Variants in DTNBP1 observed in about 807,000 individuals in gnomAD.
DTNBP1 encodes dystrobrevin binding protein 1.
A neutral mutation model predicts 42.8 loss-of-function variants in DTNBP1; 35 were observed. The observed-to-expected ratio is 0.82, with a 90% CI of 0.63 to 1.09. The LOEUF is 1.09. DTNBP1 is among the 50% of genes least tolerant of loss of function. The probability of loss-of-function intolerance (pLI) is 0.00; values close to 1 mark genes in which losing one functional copy is unlikely to be tolerated. For synonymous variants in DTNBP1, 171 were observed against 162.2 expected (o/e 1.05, Z -0.41); for missense variants, 457 against 424.2 (o/e 1.08, Z -0.68).
intron 3 of DTNBP1, among the ~76,000 whole-genome samples, chr6:15,648,307 T>C (rs927847073): frequency 8.5e-5 from 13 of 152,052 alleles, no homozygotes; most frequent in Non-Finnish European, 1.3e-4. Flanking sequence ...CTGAAAGCTT[T>C]TCCTGTAAGA....
chr6:15,633,690 G>A (rs1759825718), intron 4 of DTNBP1, among the ~76,000 whole-genome samples: 1 of 152,080 alleles, frequency 6.6e-6, no homozygotes, highest in African/African-American at 2.4e-5. Context: ...GAAAGGAAGA[G>A]TCAATAGATG....
rs141911500 is a variant in DTNBP1 at position 15,634,621 on chromosome 6, T to G, written c.222+3123A>C. Among the ~76,000 whole-genome samples, 599 of 152,226 alleles carry G rather than the reference T, an allele frequency of 3.9e-3. 3 individuals are homozygous for G. The highest frequency in any genetic ancestry group is 0.013 in the African/African-American group (556 of 41,546). On this transcript the variant is annotated intron_variant, in intron 4 of 9. Transcript: ENST00000344537. ...GTGTGAGCCACCACACCCAACCACT[T>G]TCTATTTTTTTTGTATGTGGTTACC...
At chr6:15,611,812 G>A (rs750728088) in intron 6 of DTNBP1, among the ~76,000 whole-genome samples, 4 of 152,176 alleles carry the variant, frequency 2.6e-5, no homozygotes, top group Non-Finnish European at 5.9e-5. Context: ...CTGCAATCTC[G>A]TGATCCAACT....
At chr6:15,548,462 C>T (rs1007800618) in intron 7 of DTNBP1, 2 of 151,988 alleles carry the variant, frequency 1.3e-5, no homozygotes, top group Middle Eastern at 6.8e-3. Context: ...CACACACACA[C>T]ACACACACAC....
intron 7 of DTNBP1, among the ~76,000 whole-genome samples, chr6:15,576,266 G>A (rs191389148): frequency 1.8e-3 from 280 of 151,842 alleles, no homozygotes; most frequent in African/African-American, 6.5e-3. Context: ...TTACAGGCAC[G>A]TACCACCACG....
intron 1 of DTNBP1, among the ~76,000 whole-genome samples, chr6:15,655,153 G>C (rs1410144271): frequency 6.6e-6 from 1 of 152,018 alleles, no homozygotes; most frequent in Non-Finnish European, 1.5e-5. Context: ...ACAGGGTCTT[G>C]CTGTGTCACC....
Position 15,595,237 on chromosome 6 carries a change from C to A in DTNBP1, c.489-2156G>T, listed in dbSNP as rs777871532. The A allele has an allele frequency of 4.1e-5, 16 of 388,140 alleles. No homozygotes were observed. The East Asian group carries it at 1.2e-3, about 28-fold the overall frequency. The allele number at this position is 388,140 out of a possible 1,614,324, so 24.0% of individuals were successfully genotyped here. A position where few individuals can be genotyped will look rare whatever the true frequency, so the allele number is the denominator to read the frequency against. ...AAATAATTGGTTTAAAGAAAAAAATCAGTATTATGCAACTTTTTTTTTTTT... is the reference window on the plus strand; with the variant it reads ...AAATAATTGGTTTAAAGAAAAAAATAAGTATTATGCAACTTTTTTTTTTTT... On this transcript the variant is annotated intron_variant, in intron 6 of 9. Coordinates refer to ENST00000344537, the MANE Select transcript of DTNBP1 (RefSeq NM_032122.5).
chr6:15,529,930 A>T (rs1207144460), intron 8 of DTNBP1, among the ~76,000 whole-genome samples: 1 of 152,244 alleles, frequency 6.6e-6, no homozygotes, highest in Admixed American at 6.5e-5. Context: ...CCCTCCCGGC[A>T]CCGCCTTCAG....
intron 3 of DTNBP1, among the ~76,000 whole-genome samples, chr6:15,644,836 A>T (rs1193911791): frequency 2.0e-5 from 3 of 152,120 alleles, no homozygotes; most frequent in African/African-American, 7.2e-5. Context: ...ACACACAAAG[A>T]TCTCAAATTA....
At chr6:15,533,009 T>C (rs1281468148) in intron 8 of DTNBP1, among the ~76,000 whole-genome samples, 1 of 152,068 alleles carries the variant, frequency 6.6e-6, no homozygotes, top group African/African-American at 2.4e-5. Flanking sequence ...GTATCTGTAA[T>C]CTTTAGAGGT....
chr6:15,565,801 G>T (rs1775045008), intron 7 of DTNBP1, among the ~76,000 whole-genome samples: 1 of 152,084 alleles, frequency 6.6e-6, no homozygotes, highest in South Asian at 2.1e-4. Flanking sequence ...ATCACTGAAT[G>T]GTACACTTAG....
intron 7 of DTNBP1, among the ~76,000 whole-genome samples, chr6:15,541,374 G>C (rs1015318976): frequency 3.9e-5 from 6 of 152,106 alleles, no homozygotes; most frequent in African/African-American, 1.4e-4. Context: ...AACAGCATCT[G>C]AATTTTAGAA....
intron 7 of DTNBP1, among the ~76,000 whole-genome samples, chr6:15,570,381 G>A (rs1269950080): frequency 2.0e-5 from 3 of 152,150 alleles, no homozygotes; most frequent in Admixed American, 6.5e-5. Context: ...CCAAGTGGCC[G>A]TTTCCTGACT....
chr6:15,662,666 T>C, intron 1 of DTNBP1, 148 bp downstream of exon 1: 1 of 1,193,214 alleles, frequency 8.4e-7, no homozygotes, highest in South Asian at 1.3e-5. Context: ...CGCCGGGAAG[T>C]TCGTTACTTT....
At chr6:15,566,430 AG>A (rs1199689657) in intron 7 of DTNBP1, among the ~76,000 whole-genome samples, 2 of 151,926 alleles carry the variant, frequency 1.3e-5, no homozygotes, top group Non-Finnish European at 2.9e-5. Context: ...CCATGGGAAG[AG>A]GGGGTCAGGC....
intron 7 of DTNBP1, among the ~76,000 whole-genome samples, chr6:15,567,993 A>C (rs550115730): frequency 1.3e-5 from 2 of 152,284 alleles, no homozygotes; most frequent in Non-Finnish European, 2.9e-5. Flanking sequence ...TAAGCCCTTG[A>C]TGGGGTTCAG....
intron 3 of DTNBP1, among the ~76,000 whole-genome samples, chr6:15,645,749 G>A (rs531810288): frequency 1.1e-4 from 17 of 151,818 alleles, no homozygotes; most frequent in Non-Finnish European, 1.8e-4. Flanking sequence ...CCTTCATAAC[G>A]AAAATCCTCA....
rs116680551 is a variant in DTNBP1, at chr6:15,576,945, T to C, written c.511+16114A>G. Reference sequence around the variant, plus strand: ...CAATCACTATTCTAGGCCCAACAGATAGAGCAGAGAAAAGCCAGATAAATG... The same window carrying C: ...CAATCACTATTCTAGGCCCAACAGACAGAGCAGAGAAAAGCCAGATAAATG... On this transcript the variant is annotated intron_variant, in intron 7 of 9. Transcript: ENST00000344537. Among the ~76,000 whole-genome samples, 1,119 of 151,644 alleles carry C rather than the reference T, an allele frequency of 7.4e-3. 15 individuals carry two copies. The highest frequency in any genetic ancestry group is 0.026 in the African/African-American group (1,063 of 41,112).
intron 7 of DTNBP1, chr6:15,533,670 A>G: frequency 1.7e-6 from 1 of 579,860 alleles, no homozygotes; most frequent in Non-Finnish European, 3.3e-6. Flanking sequence ...CGCATCGCCC[A>G]TTCATCAGTC....
Sources: allele counts gnomAD v4.1 joint callset (sites outside exome capture counted in the v4.1 genomes callset), GRCh38; gene constraint gnomAD v4.1.1; transcripts MANE v1.5; gene names NCBI Gene and HGNC (gene_info 2026-07-23, HGNC 2026-07-21).